CFAP44: variants seen among roughly 807,000 people sequenced by gnomAD.
CFAP44 encodes cilia- and flagella-associated protein 44.
Under a neutral mutation model 216.2 loss-of-function variants are expected in CFAP44, and 134 were observed. The ratio of observed to expected loss-of-function variants is 0.62; its 90% CI spans 0.54 to 0.72. The LOEUF is 0.72. CFAP44 is among the 30% of genes least tolerant of loss of function. CFAP44 has a pLI of 0.00. For synonymous variants in CFAP44, 700 were observed against 727.6 expected (o/e 0.96, Z 0.61); for missense variants, 2,035 against 2,182.1 (o/e 0.93, Z 1.34).
intron 28 of CFAP44, among the ~76,000 whole-genome samples, chr3:113,319,374 C>A (rs1950120408): frequency 6.6e-6 from 1 of 152,194 alleles, no homozygotes; most frequent in South Asian, 2.1e-4. Flanking sequence ...TGCAATCCAA[C>A]AGGAAGACTT....
chr3:113,388,721 C>A (rs1933715633), intron 15 of CFAP44, among the ~76,000 whole-genome samples: 1 of 151,908 alleles, frequency 6.6e-6, no homozygotes, highest in Non-Finnish European at 1.5e-5. Context: ...AAACAGAAAT[C>A]AAAATAGAGT....
At position 113,409,288 on chromosome 3, in the gene CFAP44, A is replaced by G; in HGVS notation, c.708T>C (p.Phe236=). ...AGGCCAGCAAGTTACCGCTGTAGTT[A>G]AAGTCCACATAAGCATATCCCTTCT... ...GTEKGYAYVD[F]NYSGNLLASV... Residue 236 remains phenylalanine (F), a synonymous_variant, in exon 7 of 35, where the codon TTT becomes TTC. Coordinates refer to ENST00000393845, the MANE Select transcript of CFAP44 (RefSeq NM_001164496.2). 6.2e-7 allele frequency: 1 copy of G among 1,614,180 alleles called. No individual in the cohort carries two copies. Among genetic ancestry groups the G allele is most frequent in the Non-Finnish European group, 8.5e-7 (1 of 1,180,034 alleles).
At position 113,416,649 on chromosome 3, in the gene CFAP44, C is replaced by A. The variant is rs768276203; in HGVS notation, c.571-22G>T. 9.2e-6 allele frequency: 14 copies of A among 1,522,420 alleles called. No individual in the cohort carries two copies. The South Asian group carries it at 1.5e-4, about 17-fold the overall frequency. 94.3% of individuals were successfully genotyped at this position (1,522,420 alleles called of 1,614,324 possible). A position where few individuals can be genotyped will look rare whatever the true frequency, so the allele number is the denominator to read the frequency against. ...GAACCTACAAAAGATAAAATTTCACCAAAATATTAAAAGAAAGATTTTTGT... is the reference window on the plus strand; with the variant it reads ...GAACCTACAAAAGATAAAATTTCACAAAAATATTAAAAGAAAGATTTTTGT... On this transcript the variant is annotated intron_variant, in intron 5 of 34. Transcript: ENST00000393845.
intron 32 of CFAP44, among the ~76,000 whole-genome samples, chr3:113,303,489 T>G (rs375852916): frequency 9.2e-5 from 14 of 152,154 alleles, no homozygotes; most frequent in African/African-American, 3.4e-4. Flanking sequence ...GTTAAAAATA[T>G]GCAAGGTAGG....
chr3:113,362,721 C>A, intron 21 of CFAP44: 1 of 324,694 alleles, frequency 3.1e-6, no homozygotes, highest in South Asian at 5.9e-5. Context: ...CAATACCAGT[C>A]TGCTTGCAGC....
chr3:113,424,024 T>G (rs1934892491), intron 4 of CFAP44, among the ~76,000 whole-genome samples: 1 of 152,190 alleles, frequency 6.6e-6, no homozygotes, highest in Non-Finnish European at 1.5e-5. Flanking sequence ...CTAACTCCCT[T>G]TAGGTTATAG....
Position 113,358,829 on chromosome 3 carries a change from G to C in CFAP44, c.2981C>G (p.Thr994Arg). Residue 994 changes from threonine to arginine, a missense_variant, in exon 22 of 35, where the codon ACA becomes AGA. Thr to Arg is a moderately conservative substitution (Grantham distance 71). Transcript: ENST00000393845. Reference protein sequence around the residue: ...SQIRAEMHRKTAFKIQQVEKE... With the variant: ...SQIRAEMHRKRAFKIQQVEKE... ...TTCCACTTGTTGAATTTTGAAAGCT[G>C]TTTTTCTGTGCATCTCAGCACGGAT... 1 of 1,536,768 alleles carries C rather than the reference G, an allele frequency of 6.5e-7. No individual in the cohort carries two copies. The highest frequency in any genetic ancestry group is 8.7e-7 in the Non-Finnish European group (1 of 1,146,550).
intron 28 of CFAP44, among the ~76,000 whole-genome samples, chr3:113,316,662 A>T (rs1429227834): frequency 3.3e-5 from 5 of 152,094 alleles, no homozygotes; most frequent in Non-Finnish European, 7.4e-5. Context: ...TGAGGTCAGG[A>T]CTTTGAGACC....
chr3:113,420,195 T>C lies in CFAP44; in HGVS notation c.408-16A>G, dbSNP rs748076094. The stretch of plus-strand genomic sequence containing the variant: ...AAAAGAATGTCTGAGGGAAAGTTGC[T>C]AAGGAAAAGAAGTGAAAAACACTAC... On this transcript the variant is annotated splice_polypyrimidine_tract_variant and intron_variant, in intron 4 of 34. Coordinates refer to ENST00000393845, the MANE Select transcript of CFAP44 (RefSeq NM_001164496.2). 1.8e-4 allele frequency: 292 copies of C among 1,603,270 alleles called. No homozygotes were observed. The highest frequency in any genetic ancestry group is 2.4e-4 in the Non-Finnish European group (279 of 1,174,594).
chr3:113,418,057 AATTTATTTATTT>A (rs71299331), intron 5 of CFAP44, among the ~76,000 whole-genome samples: 2 of 148,836 alleles, frequency 1.3e-5, no homozygotes, highest in East Asian at 4.0e-4. Context: ...ATTGAGACAC[AATTTATTTATTT>A]ATTTATTTAT....
Position 113,341,838 on chromosome 3 carries a change from C to T in CFAP44, c.3343G>A (p.Val1115Met), listed in dbSNP as rs756565220. 4.4e-5 allele frequency: 68 copies of T among 1,531,648 alleles called. No individual in the cohort carries two copies. The East Asian group carries it at 1.5e-3, about 33-fold the overall frequency. 94.9% of individuals were successfully genotyped at this position (1,531,648 alleles called of 1,614,324 possible). ...CTCGTTTTCTCAATTTGATTTTCCA[C>T]GATGATTTCACTTAGGGTTTTAGGC... is the stretch of plus-strand genomic sequence containing the variant. ...FRPKTLSEIIVENQIEKTRKL... is the reference protein window; with the variant it reads ...FRPKTLSEIIMENQIEKTRKL... The change falls in exon 24 of 35, where the codon GTG (valine) becomes ATG (methionine). Residue 1115 changes from valine (V) to methionine (M), a missense_variant. Around this residue, in one of 3 missense-constraint regions of CFAP44, gnomAD observed 1,883 missense variants for 2,023.7 expected, o/e 0.93. Transcript: ENST00000393845.
chr3:113,333,686 A>C, intron 24 of CFAP44, 103 bp from the exon 25 acceptor site: 4 of 1,272,246 alleles, frequency 3.1e-6, no homozygotes, highest in Non-Finnish European at 4.1e-6. Context: ...ATGAAACAAA[A>C]GTATGATTTC....
chr3:113,336,248 CA>C (rs1950280946), intron 24 of CFAP44, among the ~76,000 whole-genome samples: 2 of 151,662 alleles, frequency 1.3e-5, no homozygotes, highest in Non-Finnish European at 2.9e-5. Context: ...GAAAGCAGAC[CA>C]AACAATATTT....
rs184293519 is a variant in CFAP44 at position 113,345,805 on chromosome 3, T to A, written c.3066-1093A>T. Among the ~76,000 whole-genome samples the A allele has an allele frequency of 3.7e-3, 558 of 152,346 alleles. 3 individuals carry two copies. Among genetic ancestry groups the A allele is most frequent in the Non-Finnish European group, 6.2e-3 (424 of 68,034 alleles). Reference sequence around the variant, plus strand: ...AGAATTTAATTTATTTTTGTATAGATTGATTATTCCTAGCTTGTTTGCCTT... The same window carrying A: ...AGAATTTAATTTATTTTTGTATAGAATGATTATTCCTAGCTTGTTTGCCTT... On this transcript the variant is annotated intron_variant, in intron 22 of 34. Transcript: ENST00000393845.
rs544480231 is a variant in CFAP44, at chr3:113,358,123, T to C, written c.3065+622A>G. On this transcript the variant is annotated intron_variant, in intron 22 of 34. Coordinates refer to ENST00000393845, the MANE Select transcript of CFAP44 (RefSeq NM_001164496.2). ...ACTGTAACACTCTATTTATATGGAA[T>C]TCACAAACAAAACTAATACATGGCA... 2.0e-5 allele frequency among the ~76,000 whole-genome samples: 3 copies of C among 152,290 alleles called. No homozygotes were observed. The South Asian group carries it at 6.2e-4, about 32-fold the overall frequency.
At position 113,373,542 on chromosome 3, in the gene CFAP44, A is replaced by G. The variant is rs1933241740; in HGVS notation, c.2313T>C (p.Ser771=). ...GGAACTCACAGTGATATAGAAAACC[A>G]GAATCATAGCCACCCTAGAAAAGAG... The part of the protein sequence containing the change: ...KFWVSLGGYD[S]GFLYHCEFPP... The change falls in exon 18 of 35, where the codon TCT becomes TCC. Residue 771 remains serine, a synonymous_variant. Transcript: ENST00000393845. 5 of 1,591,728 alleles carry G rather than the reference A, an allele frequency of 3.1e-6. No individual in the cohort carries two copies. Among genetic ancestry groups the G allele is most frequent in the Non-Finnish European group, 4.3e-6 (5 of 1,168,444 alleles).
intron 21 of CFAP44, chr3:113,360,916 G>T (rs1307268445): frequency 4.5e-6 from 1 of 221,736 alleles, no homozygotes; most frequent in East Asian, 1.5e-4. Flanking sequence ...GAAGCTTGAT[G>T]CTACTAATAT....
intron 22 of CFAP44, among the ~76,000 whole-genome samples, chr3:113,351,558 C>T (rs1326741903): frequency 6.6e-6 from 1 of 152,218 alleles, no homozygotes; most frequent in Non-Finnish European, 1.5e-5. Flanking sequence ...CCGCCAAGAC[C>T]TAGATCTCCT....
chr3:113,296,638 A>C, intron 33 of CFAP44, 87 bp downstream of exon 33: 1 of 1,446,752 alleles, frequency 6.9e-7, no homozygotes, highest in South Asian at 1.4e-5. Flanking sequence ...AGCTACACAG[A>C]TGCTTCATGG....
Sources: gnomAD v4.1 joint callset for allele counts (sites outside exome capture counted in the v4.1 genomes callset) on GRCh38, gnomAD v4.1.1 for gene constraint, gnomAD v4.1.1 regional missense constraint, MANE v1.5 for transcripts, NCBI Gene and HGNC (gene_info 2026-07-23, HGNC 2026-07-21) for gene names.